The following SNX24 variants were observed in gnomAD, a reference collection of about 807,000 sequenced individuals.
SNX24 encodes sorting nexin 24, also known as sorting nexin-24.
SNX24 carries 22 observed loss-of-function variants against 28.7 expected under a neutral mutation model. That is an observed-to-expected ratio of 0.77 (90% CI 0.55 to 1.10). The LOEUF (loss-of-function observed/expected upper bound fraction) is 1.10. SNX24 is among the 50% of genes least tolerant of loss of function. The pLI, the probability that SNX24 is intolerant of heterozygous loss-of-function variation, is 0.00. For synonymous variants in SNX24, 69 were observed against 71.5 expected (o/e 0.96, Z 0.18); for missense variants, 221 against 201.1 (o/e 1.10, Z -0.60).
chr5:122,945,101 C>T (rs902971128), intron 2 of SNX24, among the ~76,000 whole-genome samples: 1 of 152,162 alleles, frequency 6.6e-6, no homozygotes, highest in Admixed American at 6.5e-5. Context: ...GACGTTTGCT[C>T]TAGAGGATCT....
intron 3 of SNX24, among the ~76,000 whole-genome samples, chr5:122,961,638 A>G (rs1402198338): frequency 6.6e-6 from 1 of 152,224 alleles, no homozygotes; most frequent in Non-Finnish European, 1.5e-5. Flanking sequence ...ACCTTAACCA[A>G]GTTTGTTAGT....
intron 1 of SNX24, among the ~76,000 whole-genome samples, chr5:122,866,440 C>T (rs1285441901): frequency 2.0e-5 from 3 of 152,166 alleles, no homozygotes; most frequent in Non-Finnish European, 2.9e-5. Flanking sequence ...TGAGCCACCA[C>T]GCCCTGCCAT....
Position 123,008,995 on chromosome 5 carries a change from TG to T in SNX24, c.*1248del. On this transcript the variant is annotated 3_prime_UTR_variant, in exon 7 of 7. Transcript: ENST00000261369. ...AAAATCAAAACTAATAACTACATCA[TG>T]GTTTTTGATTAGGATCTAAATATTC... The T allele has an allele frequency of 1.0e-6, 1 of 985,800 alleles. No individual in the cohort carries two copies. The highest frequency in any genetic ancestry group is 4.7e-5 in the South Asian group (1 of 21,282). 61.1% of individuals were successfully genotyped at this position (985,800 alleles called of 1,614,324 possible). A position where few individuals can be genotyped will look rare whatever the true frequency, so the allele number is the denominator to read the frequency against.
At chr5:122,992,245 G>C (rs1206111898) in intron 3 of SNX24, among the ~76,000 whole-genome samples, 2 of 152,102 alleles carry the variant, frequency 1.3e-5, no homozygotes, top group Non-Finnish European at 2.9e-5. Context: ...GTGGTCCCTG[G>C]ATCTGATGAA....
intron 1 of SNX24, among the ~76,000 whole-genome samples, chr5:122,904,927 C>A (rs1033719493): frequency 6.6e-6 from 1 of 152,130 alleles, no homozygotes; most frequent in African/African-American, 2.4e-5. Context: ...TCGTATTTCC[C>A]CACTCATGAG....
rs1759194485 is a variant in SNX24 at position 122,936,720 on chromosome 5, A to C, written c.61-14A>C. On this transcript the variant is annotated splice_polypyrimidine_tract_variant and intron_variant, in intron 1 of 6. Transcript: ENST00000261369. The stretch of plus-strand genomic sequence containing the variant: ...TTGAACTAATATAATTAATCTTTTA[A>C]ATTTTTTCCTCAGGTGTTTAAGATA... 6.8e-7 allele frequency: 1 copy of C among 1,478,994 alleles called. No individual in the cohort carries two copies. Among genetic ancestry groups the C allele is most frequent in the Non-Finnish European group, 9.4e-7 (1 of 1,063,638 alleles). 91.6% of individuals were successfully genotyped at this position (1,478,994 alleles called of 1,614,324 possible).
chr5:122,992,305 C>T (rs1761887676), intron 3 of SNX24, among the ~76,000 whole-genome samples: 1 of 152,076 alleles, frequency 6.6e-6, no homozygotes, highest in African/African-American at 2.4e-5. Flanking sequence ...CAGATTGTGT[C>T]ATGTACAGTG....
intron 1 of SNX24, among the ~76,000 whole-genome samples, chr5:122,930,406 A>C (rs1490989659): frequency 6.6e-6 from 1 of 152,164 alleles, no homozygotes; most frequent in East Asian, 1.9e-4. Flanking sequence ...TTCTGATAAA[A>C]CTCCGCAGGC....
At chr5:122,940,222 G>C (rs1212353700) in intron 2 of SNX24, among the ~76,000 whole-genome samples, 2 of 152,068 alleles carry the variant, frequency 1.3e-5, no homozygotes, top group South Asian at 4.1e-4. Flanking sequence ...TCGAACTCCT[G>C]ACCTCAGGTG....
chr5:122,980,342 T>G (rs1239694430), intron 3 of SNX24, among the ~76,000 whole-genome samples: 1 of 152,176 alleles, frequency 6.6e-6, no homozygotes, highest in Non-Finnish European at 1.5e-5. Context: ...TTTCAGTAAC[T>G]GTTATTCCTT....
In SNX24 at chr5:122,849,235, A is replaced by G. The variant is rs1581663285; in HGVS notation, c.60+3542A>G. Among the ~76,000 whole-genome samples, 7 of 152,344 alleles carry G rather than the reference A, an allele frequency of 4.6e-5. 1 individual carries two copies. Among genetic ancestry groups the G allele is most frequent in the Admixed American group, 4.6e-4 (7 of 15,306 alleles). On this transcript the variant is annotated intron_variant, in intron 1 of 6. Coordinates refer to ENST00000261369, the MANE Select transcript of SNX24 (RefSeq NM_014035.4). Reference sequence around the variant, plus strand: ...CTAAGTAATTTACCTTTAAAGAATGAATTTTTGCCCTTTAAACATGTAAAG... The same window carrying G: ...CTAAGTAATTTACCTTTAAAGAATGGATTTTTGCCCTTTAAACATGTAAAG...
At chr5:123,025,888 T>C (rs753525453) in intron 5 of SNX24, 1 of 1,614,070 alleles carries the variant, frequency 6.2e-7, no homozygotes, top group South Asian at 1.1e-5. Flanking sequence ...GGCCCAGCGT[T>C]GGCCATGCTG....
At chr5:122,894,589 T>C (rs1048634785) in intron 1 of SNX24, among the ~76,000 whole-genome samples, 8 of 152,228 alleles carry the variant, frequency 5.3e-5, no homozygotes, top group African/African-American at 1.7e-4. Context: ...TTTTCTCTTA[T>C]AAATAATGCT....
chr5:122,956,613 T>G, intron 3 of SNX24, among the ~76,000 whole-genome samples: 1 of 152,180 alleles, frequency 6.6e-6, no homozygotes. Context: ...ACCACCATAC[T>G]GTTATCTACA....
At chr5:122,857,558 C>G (rs1461999390) in intron 1 of SNX24, among the ~76,000 whole-genome samples, 1 of 152,072 alleles carries the variant, frequency 6.6e-6, no homozygotes, top group African/African-American at 2.4e-5. Context: ...TCTTTCTCCT[C>G]TTGTCCTTCA....
At position 122,936,731 on chromosome 5, in the gene SNX24, C is replaced by T; in HGVS notation, c.61-3C>T. ...TAATTAATCTTTTAAATTTTTTCCT[C>T]AGGTGTTTAAGATAGAAGTGCTAAT... On this transcript the variant is annotated splice_region_variant and splice_polypyrimidine_tract_variant and intron_variant, in intron 1 of 6. Transcript: ENST00000261369. 1 of 1,542,316 alleles carries T rather than the reference C, an allele frequency of 6.5e-7. No homozygotes were observed. Among genetic ancestry groups the T allele is most frequent in the Non-Finnish European group, 8.9e-7 (1 of 1,120,790 alleles).
At chr5:123,027,334 T>A (rs1762874650) in intron 5 of SNX24, among the ~76,000 whole-genome samples, 1 of 152,120 alleles carries the variant, frequency 6.6e-6, no homozygotes, top group African/African-American at 2.4e-5. Context: ...AAACATTGTC[T>A]GTCCAAAATT....
intron 1 of SNX24, among the ~76,000 whole-genome samples, chr5:122,855,036 T>C (rs895305647): frequency 6.6e-6 from 1 of 152,186 alleles, no homozygotes; most frequent in Non-Finnish European, 1.5e-5. Context: ...AGGGTGGTGG[T>C]TGCAAAAGGT....
chr5:122,984,473 G>C lies in SNX24; in HGVS notation c.250-15439G>C, dbSNP rs147123240. Reference sequence around the variant, plus strand: ...TTCCCTGAACGTCTTGTACTCTCCTGCTCAAACTTGAAGTGGGCATCTGCT... The same window carrying C: ...TTCCCTGAACGTCTTGTACTCTCCTCCTCAAACTTGAAGTGGGCATCTGCT... On this transcript the variant is annotated intron_variant, in intron 3 of 6. Coordinates refer to ENST00000261369, the MANE Select transcript of SNX24 (RefSeq NM_014035.4). Among the ~76,000 whole-genome samples, 1,269 of 152,246 alleles carry C rather than the reference G, an allele frequency of 8.3e-3. 21 individuals carry two copies. Among genetic ancestry groups the C allele is most frequent in the African/African-American group, 0.029 (1,217 of 41,550 alleles).
Sources: gnomAD v4.1 joint callset for allele counts (sites outside exome capture counted in the v4.1 genomes callset) on GRCh38, gnomAD v4.1.1 for gene constraint, MANE v1.5 for transcripts, NCBI Gene and HGNC (gene_info 2026-07-23, HGNC 2026-07-21) for gene names.